PRKN: variants seen among roughly 807,000 people sequenced by gnomAD.
The protein encoded by PRKN is parkin RBR E3 ubiquitin protein ligase, also known as E3 ubiquitin-protein ligase parkin.
In PRKN, 56 loss-of-function variants were observed where a neutral mutation model predicts 59.5. That is an observed-to-expected ratio of 0.94 (90% CI 0.76 to 1.18). The LOEUF is 1.18. Ranked by LOEUF, PRKN falls within the 50% of genes most tolerant of loss-of-function variation. The pLI, the probability that PRKN is intolerant of heterozygous loss-of-function variation, is 0.00. For missense variants in PRKN, 657 were observed against 596.4 expected, an observed-to-expected ratio of 1.10 and a Z score of -1.06; for synonymous variants, 250 against 222.1, an observed-to-expected ratio of 1.13 and a Z score of -1.12.
rs1358559318 is a variant in PRKN, at chr6:161,417,707, T to C, written c.1084-30830A>G. 6.6e-6 allele frequency among the ~76,000 whole-genome samples: 1 copy of C among 152,130 alleles called. No individual in the cohort carries two copies. The highest frequency in any genetic ancestry group is 1.5e-5 in the Non-Finnish European group (1 of 68,020). On this transcript the variant is annotated intron_variant, in intron 9 of 11. Transcript: ENST00000366898. The surrounding 1 kb of genome is among the most constrained non-coding windows in gnomAD (Gnocchi z 5.4). Reference sequence around the variant, plus strand: ...AGGTTAAATAACTTTCACAACACATTGGAAATTTAGGCTGCCAATTAGTCA... The same window carrying C: ...AGGTTAAATAACTTTCACAACACATCGGAAATTTAGGCTGCCAATTAGTCA...
intron 3 of PRKN, among the ~76,000 whole-genome samples, chr6:162,252,777 A>G (rs1370618345): frequency 1.3e-5 from 2 of 152,258 alleles, no homozygotes; most frequent in African/African-American, 4.8e-5. Flanking sequence ...CCACTGACTC[A>G]TTTTGTATTT....
chr6:161,465,104 G>A (rs183517862), intron 9 of PRKN, among the ~76,000 whole-genome samples: 72 of 152,296 alleles, frequency 4.7e-4, no homozygotes, highest in African/African-American at 1.7e-3. Flanking sequence ...AAGTCGCAGC[G>A]ACAGAGACAG....
At chr6:162,189,560 C>G (rs1220348245) in intron 4 of PRKN, among the ~76,000 whole-genome samples, 2 of 151,406 alleles carry the variant, frequency 1.3e-5, no homozygotes, top group Admixed American at 6.6e-5. Context: ...ATAAAAATAT[C>G]TACTATGTGG....
chr6:161,857,826 T>C (rs7738577), intron 6 of PRKN, among the ~76,000 whole-genome samples: 75,439 of 151,724 alleles, frequency 0.5, 18,968 homozygotes, highest in East Asian at 0.76. Flanking sequence ...AGTTTACTGC[T>C]AAGGTGTGAG....
chr6:161,453,380 G>A (rs61690952), intron 9 of PRKN, among the ~76,000 whole-genome samples: 3,236 of 152,178 alleles, frequency 0.021, 97 homozygotes, highest in African/African-American at 0.062. Flanking sequence ...GATAAACAAC[G>A]TGTGTTTTCT....
chr6:161,681,095 G>A (rs1041787020), intron 7 of PRKN, among the ~76,000 whole-genome samples: 1 of 152,028 alleles, frequency 6.6e-6, no homozygotes, highest in Non-Finnish European at 1.5e-5. Flanking sequence ...CCAGTAGCTG[G>A]AATTACAGGC....
intron 7 of PRKN, among the ~76,000 whole-genome samples, chr6:161,705,191 A>G (rs1401398342): frequency 1.3e-5 from 2 of 152,316 alleles, no homozygotes; most frequent in Middle Eastern, 3.4e-3. Context: ...TTACCTCCCA[A>G]TAAGCCCATT....
At chr6:162,054,223 G>A (rs1777767693) in intron 4 of PRKN, 49 bp from the exon 5 acceptor site, 2 of 1,077,552 alleles carry the variant, frequency 1.9e-6, no homozygotes, top group Non-Finnish European at 2.9e-6. Context: ...TAATAGAAAT[G>A]TACTCCTTAA....
At chr6:162,699,876 G>T (rs1000015583) in intron 1 of PRKN, among the ~76,000 whole-genome samples, 1 of 152,084 alleles carries the variant, frequency 6.6e-6, no homozygotes, top group East Asian at 1.9e-4. Context: ...CGTTACCTTT[G>T]ATCTCTTCAG....
At chr6:162,161,796 G>C (rs1475328190) in intron 4 of PRKN, among the ~76,000 whole-genome samples, 1 of 152,114 alleles carries the variant, frequency 6.6e-6, no homozygotes, top group African/African-American at 2.4e-5. Context: ...AAGAAGTGCA[G>C]GTATGGTAAA....
At chr6:161,771,355 CAAA>C (rs1208813487) in intron 7 of PRKN, among the ~76,000 whole-genome samples, 3 of 20,708 alleles carry the variant, frequency 1.4e-4, no homozygotes, top group African/African-American at 1.9e-4. Flanking sequence ...GACTCCACCT[CAAA>C]AAAAAAAAAA....
At chr6:161,693,022 A>T (rs1381535009) in intron 7 of PRKN, among the ~76,000 whole-genome samples, 1 of 152,008 alleles carries the variant, frequency 6.6e-6, no homozygotes, top group African/African-American at 2.4e-5. Flanking sequence ...CAATCCTGGT[A>T]ATTTTGGGTT....
chr6:161,903,194 G>GCTCTAGAGCCAA (rs1554245590), intron 6 of PRKN, among the ~76,000 whole-genome samples: 205 of 151,892 alleles, frequency 1.3e-3, no homozygotes, highest in Admixed American at 2.5e-3. Context: ...GCTGGAGGCG[G>GCTCTAGAGCCAA]CTGCACTGGC....
At chr6:162,653,798 A>T (rs9456805) in intron 1 of PRKN, among the ~76,000 whole-genome samples, 29,545 of 152,206 alleles carry the variant, frequency 0.19, 3,529 homozygotes, top group East Asian at 0.47. Context: ...TGCCAACAGT[A>T]TCTAAATATT....
intron 4 of PRKN, among the ~76,000 whole-genome samples, chr6:162,167,162 C>T (rs1783026442): frequency 1.3e-5 from 2 of 152,086 alleles, no homozygotes; most frequent in South Asian, 4.1e-4. Flanking sequence ...TTGTCAAATG[C>T]AAGGTGTACA....
At chr6:161,808,396 T>C (rs1235015133) in intron 6 of PRKN, among the ~76,000 whole-genome samples, 1 of 152,206 alleles carries the variant, frequency 6.6e-6, no homozygotes, top group African/African-American at 2.4e-5. Flanking sequence ...TATAAGTTGC[T>C]TAACTGAACA....
At chr6:161,559,521 A>G (rs1347400458) in intron 8 of PRKN, among the ~76,000 whole-genome samples, 1 of 152,228 alleles carries the variant, frequency 6.6e-6, no homozygotes, top group Non-Finnish European at 1.5e-5. Context: ...TGCCCCTCAG[A>G]TAAATGAGCG....
intron 9 of PRKN, among the ~76,000 whole-genome samples, chr6:161,406,044 G>A (rs2114991148): frequency 6.6e-6 from 1 of 152,120 alleles, no homozygotes; most frequent in East Asian, 1.9e-4. Flanking sequence ...CTGGGGATTG[G>A]TCTGTGGATG....
Position 161,545,245 on chromosome 6 carries a change from C to T in PRKN, c.1083+3609G>A. 3 of 1,376,042 alleles carry T rather than the reference C, an allele frequency of 2.2e-6. No homozygotes were observed. The highest frequency in any genetic ancestry group is 2.8e-6 in the Non-Finnish European group (3 of 1,063,784). 85.2% of individuals were successfully genotyped at this position (1,376,042 alleles called of 1,614,324 possible). A position where few individuals can be genotyped will look rare whatever the true frequency, so the allele number is the denominator to read the frequency against. ...AAAAAATTAAGCACGGGTGAATTCACAGGCATCTTACAATAAATCTGTGAA... is the reference window on the plus strand; with the variant it reads ...AAAAAATTAAGCACGGGTGAATTCATAGGCATCTTACAATAAATCTGTGAA... On this transcript the variant is annotated intron_variant, in intron 9 of 11. Transcript: ENST00000366898. This position sits in a 1 kb window ranked among gnomAD's most constrained non-coding sequence, Gnocchi z 4.1.
Sources: allele counts gnomAD v4.1 joint callset (sites outside exome capture counted in the v4.1 genomes callset), GRCh38; gene constraint gnomAD v4.1.1; non-coding constraint Gnocchi (gnomAD v3.1); transcripts MANE v1.5; gene names NCBI Gene and HGNC (gene_info 2026-07-23, HGNC 2026-07-21).